Variants in IL3RA observed in about 807,000 individuals in gnomAD.
IL3RA encodes the protein interleukin-3 receptor subunit alpha.
Under a neutral mutation model 52.3 loss-of-function variants are expected in IL3RA, and 73 were observed. The observed-to-expected ratio is 1.40, with a 90% CI of 1.16 to 1.70. The LOEUF (loss-of-function observed/expected upper bound fraction) is 1.70. Ranked by LOEUF, IL3RA falls within the 40% of genes most tolerant of loss-of-function variation. The probability of loss-of-function intolerance (pLI) is 0.00; values close to 1 mark genes in which losing one functional copy is unlikely to be tolerated. For missense variants in IL3RA, 664 were observed against 504.4 expected, an observed-to-expected ratio of 1.32 and a Z score of -3.03; for synonymous variants, 260 against 194.0, an observed-to-expected ratio of 1.34 and a Z score of -2.83.
In IL3RA at chrX:1,352,486, T is replaced by C. The variant is rs2086147836; in HGVS notation, c.596T>C (p.Phe199Ser). The C allele has an allele frequency of 6.2e-7, 1 of 1,613,556 alleles. No individual in the cohort carries two copies. Among genetic ancestry groups the C allele is most frequent in the African/African-American group, 1.3e-5 (1 of 75,042 alleles). ...AAFGIPCTDK[F>S]VVFSQIEILT... ...TTCGGTATCCCCTGCACAGATAAGT[T>C]TGTCGTCTTTTCACAGATTGGTGAG... is the stretch of plus-strand genomic sequence containing the variant. The change falls in exon 6 of 12, where the codon TTT becomes TCT. Residue 199 changes from phenylalanine (F) to serine (S), a missense_variant. By Grantham distance (155) the Phe-to-Ser change is radical. Coordinates refer to ENST00000331035, the MANE Select transcript of IL3RA (RefSeq NM_002183.4).
At chrX:1,379,319 C>T (rs1342546408) in intron 10 of IL3RA, among the ~76,000 whole-genome samples, 2 of 152,032 alleles carry the variant, frequency 1.3e-5, no homozygotes, top group African/African-American at 2.4e-5. Context: ...CTGCACCCAA[C>T]TAATTCTTGT....
intron 1 of IL3RA, among the ~76,000 whole-genome samples, chrX:1,339,802 A>T (rs1321059118): frequency 6.6e-5 from 10 of 151,898 alleles, no homozygotes; most frequent in Non-Finnish European, 1.3e-4. Flanking sequence ...CAGAAAAAAC[A>T]AAACAAAACA....
At chrX:1,362,945 T>A (rs1469896192) in intron 8 of IL3RA, among the ~76,000 whole-genome samples, 2 of 151,668 alleles carry the variant, frequency 1.3e-5, no homozygotes, top group Non-Finnish European at 2.9e-5. Flanking sequence ...CTGGCTAATT[T>A]TTGTATTATT....
At chrX:1,377,392 C>T (rs1351134195) in intron 9 of IL3RA, among the ~76,000 whole-genome samples, 1 of 152,052 alleles carries the variant, frequency 6.6e-6, no homozygotes, top group Non-Finnish European at 1.5e-5. Flanking sequence ...AGGCGCCCGC[C>T]ACCACACCCG....
chrX:1,348,634 T>TTTC, intron 4 of IL3RA, 89 bp downstream of exon 4: 3 of 757,746 alleles, frequency 4.0e-6, no homozygotes, highest in Non-Finnish European at 6.6e-6. Flanking sequence ...GTCTTTTTTC[T>TTTC]TTTCTTTTTC....
intron 8 of IL3RA, among the ~76,000 whole-genome samples, chrX:1,363,352 G>A (rs181859564): frequency 6.8e-6 from 1 of 147,990 alleles, no homozygotes; most frequent in Non-Finnish European, 1.5e-5. Flanking sequence ...CCAGGCTGGA[G>A]TGCAGTGGCG....
Position 1,352,303 on chromosome X carries a change from A to G in IL3RA, c.432-19A>G. 1.2e-6 allele frequency: 2 copies of G among 1,613,494 alleles called. No individual in the cohort carries two copies. Among genetic ancestry groups the G allele is most frequent in the East Asian group, 2.2e-5 (1 of 44,874 alleles). ...GCCATCGGCGTGGGGTCGTCCCCCA[A>G]CCTTACCGCTTACCGCAGCAGGCGT... On this transcript the variant is annotated intron_variant, in intron 5 of 11. Coordinates refer to ENST00000331035, the MANE Select transcript of IL3RA (RefSeq NM_002183.4).
At chrX:1,362,206 GTCTC>G (rs759530749) in intron 8 of IL3RA, among the ~76,000 whole-genome samples, 24 of 148,588 alleles carry the variant, frequency 1.6e-4, no homozygotes, top group African/African-American at 2.8e-4. Context: ...CTCCGTTTCT[GTCTC>G]TCTCTCTGTC....
Position 1,378,638 on chromosome X carries a change from CCT to C in IL3RA, c.875-17_875-16del, listed in dbSNP as rs2088966654. The C allele has an allele frequency of 2.5e-6, 4 of 1,605,596 alleles. No homozygotes were observed. Among genetic ancestry groups the C allele is most frequent in the African/African-American group, 1.3e-5 (1 of 74,760 alleles). On this transcript the variant is annotated intron_variant, in intron 9 of 11. Transcript: ENST00000331035. ...CCCAGGACGGCCCCCGGTCTGTGAC[CCT>C]CTCACCCTTTACCCCTAGAGTGCGA...
At chrX:1,342,559 CTTT>C (rs751414193) in intron 2 of IL3RA, among the ~76,000 whole-genome samples, 12 of 111,340 alleles carry the variant, frequency 1.1e-4, no homozygotes, top group Non-Finnish European at 1.6e-4. Flanking sequence ...TCTTTAACTT[CTTT>C]TTTTTTTTTT....
Position 1,378,273 on chromosome X carries a change from C to T in IL3RA, c.875-386C>T, listed in dbSNP as rs1301465220. ...CACAAAATCAAGTTCAAAGCACGCA[C>T]GCCAGTGCTGCCTCTGCTGCCCCTC... On this transcript the variant is annotated intron_variant, in intron 9 of 11. Transcript: ENST00000331035. Among the ~76,000 whole-genome samples the T allele has an allele frequency of 1.8e-4, 27 of 152,240 alleles. 1 individual carries two copies. Among genetic ancestry groups the T allele is most frequent in the Middle Eastern group, 6.8e-3 (2 of 294 alleles).
intron 7 of IL3RA, 122 bp from the exon 8 acceptor site, chrX:1,358,739 A>G: frequency 1.1e-6 from 1 of 931,452 alleles, no homozygotes; most frequent in Non-Finnish European, 1.7e-6. Flanking sequence ...TGCTGCCCGA[A>G]GGCCTTCCCA....
chrX:1,352,515 C>A lies in IL3RA; in HGVS notation c.616+9C>A. The A allele has an allele frequency of 6.2e-7, 1 of 1,611,332 alleles. No individual in the cohort carries two copies. Among genetic ancestry groups the A allele is most frequent in the Non-Finnish European group, 8.5e-7 (1 of 1,178,816 alleles). On this transcript the variant is annotated intron_variant, in intron 6 of 11. Coordinates refer to ENST00000331035, the MANE Select transcript of IL3RA (RefSeq NM_002183.4). ...CGTCTTTTCACAGATTGGTGAGTAG[C>A]CCGGGACACTCCCTCCCACCCTCAG...
chrX:1,382,169 TG>T (rs1457179003), intron 11 of IL3RA, among the ~76,000 whole-genome samples: 2 of 82,198 alleles, frequency 2.4e-5, no homozygotes, highest in Non-Finnish European at 4.7e-5. Flanking sequence ...CAGGATGGTC[TG>T]GATCTCCTGA....
chrX:1,368,453 G>A (rs2088353227), intron 9 of IL3RA, among the ~76,000 whole-genome samples: 1 of 151,532 alleles, frequency 6.6e-6, no homozygotes, highest in African/African-American at 2.4e-5. Context: ...AGGTGCTGTG[G>A]CTTAAGCCTG....
At chrX:1,355,558 T>C (rs1376083685) in intron 6 of IL3RA, among the ~76,000 whole-genome samples, 1 of 144,234 alleles carries the variant, frequency 6.9e-6, no homozygotes, top group Non-Finnish European at 1.5e-5. Context: ...GCTGGGCTGG[T>C]AGTCGGGTCA....
intron 8 of IL3RA, among the ~76,000 whole-genome samples, chrX:1,363,876 G>T (rs1170460443): frequency 6.6e-6 from 1 of 151,530 alleles, no homozygotes; most frequent in Non-Finnish European, 1.5e-5. Flanking sequence ...TTTGCCACCA[G>T]GTCAGCTCAT....
chrX:1,381,808 C>T (rs2089190119), intron 11 of IL3RA, among the ~76,000 whole-genome samples: 1 of 151,546 alleles, frequency 6.6e-6, no homozygotes, highest in Admixed American at 6.6e-5. Flanking sequence ...TCCCAAAGTG[C>T]TGGGATTACA....
intron 4 of IL3RA, among the ~76,000 whole-genome samples, chrX:1,349,276 G>C (rs2085969779): frequency 6.6e-6 from 1 of 151,632 alleles, no homozygotes; most frequent in Admixed American, 6.6e-5. Context: ...CTGGCTCCCG[G>C]GTTCAAGCGA....
Sources: gnomAD v4.1 joint callset for allele counts (sites outside exome capture counted in the v4.1 genomes callset) on GRCh38, gnomAD v4.1.1 for gene constraint, MANE v1.5 for transcripts, NCBI Gene and HGNC (gene_info 2026-07-23, HGNC 2026-07-21) for gene names.